LRP2: variants seen among roughly 807,000 people sequenced by gnomAD.
The protein encoded by LRP2 is LDL receptor related protein 2.
A neutral mutation model predicts 531.0 loss-of-function variants in LRP2; 172 were observed. The ratio of observed to expected loss-of-function variants is 0.32; its 90% CI spans 0.29 to 0.37. The LOEUF is 0.37. LRP2 is among the 10% of genes least tolerant of loss of function. The pLI, the probability that LRP2 is intolerant of heterozygous loss-of-function variation, is 1.00. For missense variants in LRP2, 5,167 were observed against 5,868.3 expected, an observed-to-expected ratio of 0.88 and a Z score of 3.90; for synonymous variants, 1,992 against 2,027.6, an observed-to-expected ratio of 0.98 and a Z score of 0.47.
At chr2:169,276,633 A>G (rs1683561789) in intron 13 of LRP2, among the ~76,000 whole-genome samples, 1 of 152,190 alleles carries the variant, frequency 6.6e-6, no homozygotes, top group Non-Finnish European at 1.5e-5. Flanking sequence ...CCAATGGCAA[A>G]CTGTGATATT....
chr2:169,355,687 G>A (rs547726617), intron 1 of LRP2, among the ~76,000 whole-genome samples: 34 of 152,298 alleles, frequency 2.2e-4, no homozygotes, highest in African/African-American at 6.7e-4. Flanking sequence ...ACTGACAGCC[G>A]CTTTACATCA....
chr2:169,208,422 A>G (rs1688472964), intron 38 of LRP2, among the ~76,000 whole-genome samples: 1 of 152,142 alleles, frequency 6.6e-6, no homozygotes, highest in Non-Finnish European at 1.5e-5. Flanking sequence ...TATAGTACTT[A>G]GATTTTCATA....
Position 169,251,839 on chromosome 2 carries a change from C to A in LRP2, c.2770+4267G>T, listed in dbSNP as rs1461324751. ...ACCGATCCCACAGAAATACAAACTACCATCAGAGAATACTACAAACACCTC... is the reference window on the plus strand; with the variant it reads ...ACCGATCCCACAGAAATACAAACTAACATCAGAGAATACTACAAACACCTC... On this transcript the variant is annotated intron_variant, in intron 19 of 78. Transcript: ENST00000649046. Among the ~76,000 whole-genome samples the A allele has an allele frequency of 5.0e-5, 4 of 80,184 alleles. 1 individual carries two copies. Among genetic ancestry groups the A allele is most frequent in the Non-Finnish European group, 8.9e-5 (4 of 44,726 alleles). The allele number at this position is 80,184 out of a possible 152,430, so 52.6% of individuals were successfully genotyped here. A position where few individuals can be genotyped will look rare whatever the true frequency, so the allele number is the denominator to read the frequency against.
At chr2:169,272,218 AT>A (rs1387895551) in intron 15 of LRP2, among the ~76,000 whole-genome samples, 2 of 152,100 alleles carry the variant, frequency 1.3e-5, no homozygotes, top group Admixed American at 1.3e-4. Flanking sequence ...AAAAACAAAT[AT>A]TGTAGGAGTG....
At chr2:169,181,713 C>A in intron 51 of LRP2, 95 bp from the exon 52 acceptor site, 1 of 731,746 alleles carries the variant, frequency 1.4e-6, no homozygotes, top group Admixed American at 2.4e-5. Context: ...ATGGAGTCTG[C>A]ATTCTGTAGA....
intron 16 of LRP2, among the ~76,000 whole-genome samples, chr2:169,268,221 A>G (rs1683286807): frequency 6.6e-6 from 1 of 152,204 alleles, no homozygotes; most frequent in Admixed American, 6.5e-5. Flanking sequence ...TATTCCAATC[A>G]AAGCAAAAAG....
At position 169,310,528 on chromosome 2, in the gene LRP2, G is replaced by A. The variant is rs547736731; in HGVS notation, c.311-3131C>T. 3.5e-4 allele frequency among the ~76,000 whole-genome samples: 54 copies of A among 152,300 alleles called. No homozygotes were observed. The South Asian group carries it at 4.8e-3, about 13-fold the overall frequency. ...TTATTGATTTGCGTATGTTGAACCA[G>A]CCTTGCATCCCAGGGATGAAACCAA... On this transcript the variant is annotated intron_variant, in intron 3 of 78. Coordinates refer to ENST00000649046, the MANE Select transcript of LRP2 (RefSeq NM_004525.3).
chr2:169,266,734 C>G (rs1319273796), intron 16 of LRP2, among the ~76,000 whole-genome samples: 5 of 151,934 alleles, frequency 3.3e-5, no homozygotes, highest in Non-Finnish European at 4.4e-5. Context: ...GTCCAGCATC[C>G]CTGAAGAGAT....
chr2:169,357,615 C>T (rs1265850701), intron 1 of LRP2, among the ~76,000 whole-genome samples: 1 of 151,984 alleles, frequency 6.6e-6, no homozygotes, highest in Non-Finnish European at 1.5e-5. Context: ...CAGGCATGAG[C>T]CCCCACGCCC....
chr2:169,349,709 A>G (rs1685793816), intron 1 of LRP2, among the ~76,000 whole-genome samples: 1 of 152,178 alleles, frequency 6.6e-6, no homozygotes, highest in African/African-American at 2.4e-5. Flanking sequence ...AAGCAAGGCC[A>G]TTTCAGCCTG....
chr2:169,255,379 T>C (rs2105404265), intron 19 of LRP2, among the ~76,000 whole-genome samples: 2 of 152,202 alleles, frequency 1.3e-5, no homozygotes, highest in Middle Eastern at 3.4e-3. Flanking sequence ...TCCCAGAAAC[T>C]CAACTCACAG....
intron 3 of LRP2, among the ~76,000 whole-genome samples, chr2:169,312,793 A>C (rs1559070366): frequency 6.6e-6 from 1 of 152,126 alleles, no homozygotes; most frequent in South Asian, 2.1e-4. Flanking sequence ...TATCCTGCAG[A>C]GTGTTTTCCA....
At position 169,146,962 on chromosome 2, in the gene LRP2, A is replaced by G; in HGVS notation, c.12591-3T>C. 1.2e-6 allele frequency: 2 copies of G among 1,601,642 alleles called. No individual in the cohort carries two copies. The highest frequency in any genetic ancestry group is 1.3e-5 in the African/African-American group (1 of 74,716). ...CCCAGTCAGTCCAGAACATAAGCCTATAACAGAAGATTTCTTCACTGTAGC... is the reference window on the plus strand; with the variant it reads ...CCCAGTCAGTCCAGAACATAAGCCTGTAACAGAAGATTTCTTCACTGTAGC... On this transcript the variant is annotated splice_polypyrimidine_tract_variant and splice_region_variant and intron_variant, in intron 68 of 78. Coordinates refer to ENST00000649046, the MANE Select transcript of LRP2 (RefSeq NM_004525.3).
At chr2:169,184,017 T>C (rs1159809489) in intron 50 of LRP2, among the ~76,000 whole-genome samples, 1 of 152,112 alleles carries the variant, frequency 6.6e-6, no homozygotes, top group African/African-American at 2.4e-5. Context: ...ACCCAGACTT[T>C]CTTGCCCATC....
intron 66 of LRP2, 103 bp from the exon 67 acceptor site, chr2:169,153,067 A>T (rs1429328497): frequency 1.0e-6 from 1 of 966,884 alleles, no homozygotes; most frequent in African/African-American, 1.6e-5. Context: ...TGACATCTCT[A>T]CCTCCCTCCT....
rs1327424378 is a variant in LRP2, at chr2:169,244,788, G to T, written c.3335C>A (p.Thr1112Asn). 2 of 1,614,140 alleles carry T rather than the reference G, an allele frequency of 1.2e-6. No individual in the cohort carries two copies. Among genetic ancestry groups the T allele is most frequent in the Admixed American group, 3.3e-5 (2 of 60,012 alleles). Residue 1112 changes from threonine to asparagine, a missense_variant, in exon 22 of 79, where the codon ACC (threonine) becomes AAC (asparagine). Coordinates refer to ENST00000649046, the MANE Select transcript of LRP2 (RefSeq NM_004525.3). ...PTHAPASCLD[T>N]QYTCDNHQCI... ...CTGGTGATTATCACAGGTGTATTGG[G>T]TGTCAAGGCAGGAAGCAGGTGCGTG...
At chr2:169,158,538 T>A (rs1172611018) in intron 63 of LRP2, among the ~76,000 whole-genome samples, 1 of 151,894 alleles carries the variant, frequency 6.6e-6, no homozygotes, top group Non-Finnish European at 1.5e-5. Context: ...TGTTAAAATA[T>A]AAAAAAATAC....
chr2:169,290,726 A>G (rs1683977216), intron 8 of LRP2, 119 bp downstream of exon 8: 1 of 1,087,608 alleles, frequency 9.2e-7, no homozygotes, highest in Non-Finnish European at 1.4e-6. Context: ...AGTTTATGCC[A>G]CTAAGTCTTG....
Position 169,292,304 on chromosome 2 carries a change from C to T in LRP2, c.718G>A (p.Val240Ile). 1 of 1,614,148 alleles carries T rather than the reference C, an allele frequency of 6.2e-7. No individual in the cohort carries two copies. The highest frequency in any genetic ancestry group is 1.1e-5 in the South Asian group (1 of 91,088). ...PSGRCIYQNWVCDGEDDCKDN... is the reference protein window; with the variant it reads ...PSGRCIYQNWICDGEDDCKDN... Reference sequence around the variant, plus strand: ...TTACAGTCATCTTCTCCATCACAAACCCAGTTTTGATAAATGCATCGGCCA... The same window carrying T: ...TTACAGTCATCTTCTCCATCACAAATCCAGTTTTGATAAATGCATCGGCCA... The change falls in exon 7 of 79, where the codon GTT becomes ATT. Residue 240 changes from valine (V) to isoleucine (I), a missense_variant. Val to Ile is a conservative substitution (Grantham distance 29). Coordinates refer to ENST00000649046, the MANE Select transcript of LRP2 (RefSeq NM_004525.3).
Sources: gnomAD v4.1 joint callset for allele counts (sites outside exome capture counted in the v4.1 genomes callset) on GRCh38, gnomAD v4.1.1 for gene constraint, MANE v1.5 for transcripts, NCBI Gene and HGNC (gene_info 2026-07-23, HGNC 2026-07-21) for gene names.